The following NMNAT2 variants were observed in gnomAD, a reference collection of about 807,000 sequenced individuals.
NMNAT2 encodes nicotinamide nucleotide adenylyltransferase 2.
In NMNAT2, 11 loss-of-function variants were observed where a neutral mutation model predicts 41.6. The ratio of observed to expected loss-of-function variants is 0.26; its 90% CI spans 0.17 to 0.44. NMNAT2 has a LOEUF of 0.44. Ranked by LOEUF, NMNAT2 falls within the 20% of genes least tolerant of loss-of-function variation. The pLI is 1.00. For synonymous variants in NMNAT2, 148 were observed against 151.2 expected (o/e 0.98, Z 0.16); for missense variants, 288 against 407.7 (o/e 0.71, Z 2.53).
intron 1 of NMNAT2, among the ~76,000 whole-genome samples, chr1:183,322,680 G>A (rs1662378543): frequency 6.6e-6 from 1 of 152,158 alleles, no homozygotes. Context: ...GCGATCTGGA[G>A]CCTAACCTCT....
At chr1:183,404,901 G>C (rs541822435) in intron 1 of NMNAT2, among the ~76,000 whole-genome samples, 1 of 152,126 alleles carries the variant, frequency 6.6e-6, no homozygotes, top group Non-Finnish European at 1.5e-5. Context: ...AGGTCAGATA[G>C]ACAAAGAAGC....
chr1:183,335,936 G>C (rs1662671337), intron 1 of NMNAT2, among the ~76,000 whole-genome samples: 1 of 152,136 alleles, frequency 6.6e-6, no homozygotes, highest in Non-Finnish European at 1.5e-5. Context: ...GAGATACGGA[G>C]GTTTACAAGG....
rs1469248563 is a variant in NMNAT2 at position 183,418,229 on chromosome 1, G to A, written c.39C>T (p.Ala13=). The A allele has an allele frequency of 9.9e-6, 16 of 1,614,052 alleles. No homozygotes were observed. Among genetic ancestry groups the A allele is most frequent in the Non-Finnish European group, 1.4e-5 (16 of 1,180,038 alleles). The change falls in exon 1 of 11, where the codon GCC becomes GCT. Residue 13 remains alanine, a synonymous_variant. Coordinates refer to ENST00000287713, the MANE Select transcript of NMNAT2 (RefSeq NM_015039.4). The part of the protein sequence containing the change: ...ETTKTHVILL[A]CGSFNPITKG... ...TGGTGATGGGATTGAAGCTGCCGCA[G>A]GCGAGCAAGATAACGTGGGTCTTGG...
intron 1 of NMNAT2, among the ~76,000 whole-genome samples, chr1:183,356,205 T>C (rs1272013058): frequency 6.6e-6 from 1 of 152,260 alleles, no homozygotes; most frequent in African/African-American, 2.4e-5. Context: ...TTAATGACAT[T>C]AAGTATTTTG....
At position 183,292,812 on chromosome 1, in the gene NMNAT2, C is replaced by G; in HGVS notation, c.220G>C (p.Val74Leu). The change falls in exon 3 of 11, where the codon GTC (valine) becomes CTC (leucine). Residue 74 changes from valine (V) to leucine (L), a missense_variant. Val to Leu is a conservative substitution (Grantham distance 32). Transcript: ENST00000287713. ...TACCTGATCCAATCAGAATTCTGGA[C>G]GGCCAGCTGACACATGATGAGACGG... ...RHRLIMCQLA[V>L]QNSDWIRVDP... 1 of 1,614,008 alleles carries G rather than the reference C, an allele frequency of 6.2e-7. No homozygotes were observed. Among genetic ancestry groups the G allele is most frequent in the Non-Finnish European group, 8.5e-7 (1 of 1,179,974 alleles).
chr1:183,300,446 T>C (rs1360822104), intron 1 of NMNAT2, among the ~76,000 whole-genome samples: 3 of 149,554 alleles, frequency 2.0e-5, no homozygotes, highest in Non-Finnish European at 4.4e-5. Flanking sequence ...CATGGCACCA[T>C]TTATCAGGAA....
intron 1 of NMNAT2, among the ~76,000 whole-genome samples, chr1:183,382,839 T>C (rs1663830124): frequency 6.6e-6 from 1 of 152,228 alleles, no homozygotes; most frequent in African/African-American, 2.4e-5. Context: ...GCTGCTTTCA[T>C]AGGCTGGTGT....
At chr1:183,378,565 A>T (rs772296574) in intron 1 of NMNAT2, among the ~76,000 whole-genome samples, 3 of 151,800 alleles carry the variant, frequency 2.0e-5, no homozygotes, top group African/African-American at 4.8e-5. Flanking sequence ...AAATAATAAT[A>T]ATTATTATAA....
intron 8 of NMNAT2, among the ~76,000 whole-genome samples, chr1:183,270,096 G>A (rs1418034883): frequency 1.3e-5 from 2 of 152,138 alleles, no homozygotes; most frequent in Non-Finnish European, 2.9e-5. Flanking sequence ...GTGTTAGCCA[G>A]GATAGTCTCG....
intron 1 of NMNAT2, among the ~76,000 whole-genome samples, chr1:183,372,979 A>T (rs1252519928): frequency 6.6e-6 from 1 of 152,170 alleles, no homozygotes; most frequent in Non-Finnish European, 1.5e-5. Flanking sequence ...TAGGCTCCAC[A>T]TAGGAGGGGC....
At chr1:183,375,270 T>C (rs1663651055) in intron 1 of NMNAT2, among the ~76,000 whole-genome samples, 1 of 152,254 alleles carries the variant, frequency 6.6e-6, no homozygotes, top group Non-Finnish European at 1.5e-5. Flanking sequence ...CTTCCCTTTA[T>C]TTATCCAATC....
intron 1 of NMNAT2, among the ~76,000 whole-genome samples, chr1:183,332,530 T>C (rs1662606108): frequency 6.6e-6 from 1 of 152,144 alleles, no homozygotes; most frequent in Admixed American, 6.5e-5. Context: ...GCAAACAGAA[T>C]GGAGAAAAGG....
intron 8 of NMNAT2, among the ~76,000 whole-genome samples, chr1:183,263,038 T>A (rs770607450): frequency 3.8e-4 from 58 of 152,244 alleles, no homozygotes; most frequent in Non-Finnish European, 5.1e-4. Flanking sequence ...AAGCCTGATT[T>A]ACTGGTTTTG....
At chr1:183,260,625 C>T (rs569000963) in intron 10 of NMNAT2, among the ~76,000 whole-genome samples, 4 of 152,152 alleles carry the variant, frequency 2.6e-5, no homozygotes, top group African/African-American at 2.4e-5. Context: ...CGAGACCAGC[C>T]TGGCCAAAAT....
chr1:183,252,458 C>T lies in NMNAT2; in HGVS notation c.*183G>A, dbSNP rs201752621. The T allele has an allele frequency of 7.6e-6, 3 of 395,832 alleles. No homozygotes were observed. Among genetic ancestry groups the T allele is most frequent in the Non-Finnish European group, 1.5e-5 (3 of 200,480 alleles). 24.5% of individuals were successfully genotyped at this position (395,832 alleles called of 1,614,324 possible). ...ACCCGGAGACTAGAGGAAAGTCTGT[C>T]CAAAGATGACTGTGGAATAGGGAAT... On this transcript the variant is annotated 3_prime_UTR_variant, in exon 11 of 11. Coordinates refer to ENST00000287713, the MANE Select transcript of NMNAT2 (RefSeq NM_015039.4).
At chr1:183,359,937 T>A (rs1239196969) in intron 1 of NMNAT2, among the ~76,000 whole-genome samples, 3 of 152,340 alleles carry the variant, frequency 2.0e-5, no homozygotes, top group African/African-American at 7.2e-5. Context: ...GTCCTTGATG[T>A]TGGCTCCTAG....
At chr1:183,359,031 A>G (rs1172987376) in intron 1 of NMNAT2, among the ~76,000 whole-genome samples, 1 of 152,212 alleles carries the variant, frequency 6.6e-6, no homozygotes, top group Non-Finnish European at 1.5e-5. Context: ...GTATCATTGC[A>G]TATTGAGCTG....
At chr1:183,403,393 A>C (rs1369159777) in intron 1 of NMNAT2, among the ~76,000 whole-genome samples, 2 of 152,180 alleles carry the variant, frequency 1.3e-5, no homozygotes, top group Non-Finnish European at 2.9e-5. Flanking sequence ...TGTGTAAATT[A>C]CTGTGGGTTC....
intron 1 of NMNAT2, among the ~76,000 whole-genome samples, chr1:183,305,748 TTC>T (rs1661979070): frequency 6.9e-6 from 1 of 144,912 alleles, no homozygotes; most frequent in Non-Finnish European, 1.5e-5. Context: ...AAGAAAGAGT[TTC>T]TCTCTTGTTG....
Sources: gnomAD v4.1 joint callset for allele counts (sites outside exome capture counted in the v4.1 genomes callset) on GRCh38, gnomAD v4.1.1 for gene constraint, MANE v1.5 for transcripts, NCBI Gene and HGNC (gene_info 2026-07-23, HGNC 2026-07-21) for gene names.